Variants in UGGT2 observed in about 807,000 individuals in gnomAD.
The protein encoded by UGGT2 is UDP-glucose:glycoprotein glucosyltransferase 2.
In UGGT2, 180 loss-of-function variants were observed where a neutral mutation model predicts 192.1. That is an observed-to-expected ratio of 0.94 (90% CI 0.83 to 1.06). UGGT2 has a LOEUF of 1.06. Among genes scored for constraint, UGGT2 ranks in the 50% least tolerant of loss-of-function variants. The pLI, the probability that UGGT2 is intolerant of heterozygous loss-of-function variation, is 0.00. For missense variants in UGGT2, 1,849 were observed against 1,795.7 expected, an observed-to-expected ratio of 1.03 and a Z score of -0.54; for synonymous variants, 580 against 591.0, an observed-to-expected ratio of 0.98 and a Z score of 0.27.
chr13:95,936,843 C>T (rs778912555), intron 17 of UGGT2, 81 bp downstream of exon 17: 20 of 1,263,312 alleles, frequency 1.6e-5, no homozygotes, highest in Admixed American at 6.3e-5. Context: ...ACCAAATCAA[C>T]TTCTGTCATT....
chr13:96,040,569 AACCTACT>A (rs535635993), intron 1 of UGGT2, among the ~76,000 whole-genome samples: 105 of 152,280 alleles, frequency 6.9e-4, no homozygotes, highest in South Asian at 1.0e-3. Flanking sequence ...GCCAGCATTC[AACCTACT>A]ACAGATGCCC....
intron 4 of UGGT2, among the ~76,000 whole-genome samples, chr13:96,017,244 T>G (rs898458033): frequency 2.0e-5 from 3 of 152,172 alleles, no homozygotes; most frequent in Non-Finnish European, 4.4e-5. Context: ...AAGAAATGAC[T>G]GTAATTTGCA....
chr13:95,867,261 A>T, intron 30 of UGGT2, 78 bp downstream of exon 30: 1 of 1,207,802 alleles, frequency 8.3e-7, no homozygotes, highest in East Asian at 2.6e-5. Context: ...TTGTAAAATA[A>T]ATCAATTAAT....
chr13:96,019,052 C>T (rs994771844), intron 4 of UGGT2, among the ~76,000 whole-genome samples: 4 of 129,962 alleles, frequency 3.1e-5, no homozygotes, highest in African/African-American at 1.2e-4. Flanking sequence ...GATAAGATAT[C>T]ACAAACCCAA....
intron 5 of UGGT2, among the ~76,000 whole-genome samples, chr13:96,006,210 T>C (rs536177598): frequency 3.9e-5 from 6 of 152,196 alleles, no homozygotes; most frequent in African/African-American, 1.4e-4. Flanking sequence ...GAAAGGAAAA[T>C]TCATCACACA....
At chr13:95,929,979 A>G (rs1194636884) in intron 17 of UGGT2, among the ~76,000 whole-genome samples, 1 of 152,130 alleles carries the variant, frequency 6.6e-6, no homozygotes, top group Non-Finnish European at 1.5e-5. Flanking sequence ...GCCATTCTAA[A>G]TGGTACGAGA....
At chr13:95,966,504 T>C (rs2050584050) in intron 12 of UGGT2, among the ~76,000 whole-genome samples, 1 of 152,166 alleles carries the variant, frequency 6.6e-6, no homozygotes, top group South Asian at 2.1e-4. Context: ...GTAGGGTGAC[T>C]ATAGTTAGCA....
chr13:95,917,021 A>C (rs536795012), intron 20 of UGGT2, among the ~76,000 whole-genome samples: 2 of 152,158 alleles, frequency 1.3e-5, no homozygotes, highest in East Asian at 3.9e-4. Flanking sequence ...GGAAAAGACA[A>C]CATTTAAATT....
chr13:95,908,737 A>C (rs1415813068), intron 20 of UGGT2, among the ~76,000 whole-genome samples: 3 of 140,396 alleles, frequency 2.1e-5, no homozygotes, highest in Admixed American at 7.3e-5. Flanking sequence ...TGGCTGCATA[A>C]ATGTCTTCTT....
At chr13:95,842,378 A>T (rs1266978666) in intron 36 of UGGT2, among the ~76,000 whole-genome samples, 1 of 152,352 alleles carries the variant, frequency 6.6e-6, no homozygotes, top group East Asian at 1.9e-4. Flanking sequence ...TTATTTTTAG[A>T]GTCATCCATG....
chr13:95,972,685 A>G lies in UGGT2; in HGVS notation c.1093-14T>C. Reference sequence around the variant, plus strand: ...AACTTGAAGATCCTTGAAGTAGAGCAAAGCAATAGTTAACCAGTGATAGAA... The same window carrying G: ...AACTTGAAGATCCTTGAAGTAGAGCGAAGCAATAGTTAACCAGTGATAGAA... On this transcript the variant is annotated splice_polypyrimidine_tract_variant and intron_variant, in intron 10 of 38. Coordinates refer to ENST00000376747, the MANE Select transcript of UGGT2 (RefSeq NM_020121.4). 1 of 1,594,348 alleles carries G rather than the reference A, an allele frequency of 6.3e-7. No homozygotes were observed. The highest frequency in any genetic ancestry group is 8.6e-7 in the Non-Finnish European group (1 of 1,162,830).
Position 95,900,798 on chromosome 13 carries a change from T to C in UGGT2, c.2634+9A>G, listed in dbSNP as rs752625708. 3 of 1,603,136 alleles carry C rather than the reference T, an allele frequency of 1.9e-6. No individual in the cohort carries two copies. The highest frequency in any genetic ancestry group is 8.5e-7 in the Non-Finnish European group (1 of 1,175,878). On this transcript the variant is annotated intron_variant, in intron 22 of 38. Coordinates refer to ENST00000376747, the MANE Select transcript of UGGT2 (RefSeq NM_020121.4). ...CTGAGAAAAGAGAGCAATAGCTTTT[T>C]CTACTTACTCTCCCATTGCTGACAA...
At position 96,013,378 on chromosome 13, in the gene UGGT2, C is replaced by T. The variant is rs755759914; in HGVS notation, c.589G>A (p.Ala197Thr). The T allele has an allele frequency of 8.7e-6, 14 of 1,607,242 alleles. No homozygotes were observed. Among genetic ancestry groups the T allele is most frequent in the Non-Finnish European group, 1.2e-5 (14 of 1,178,446 alleles). Residue 197 changes from alanine (A) to threonine (T), a missense_variant, in exon 5 of 39, where the codon GCA becomes ACA. Physicochemically the swap from Ala to Thr is moderately conservative, Grantham distance 58. Coordinates refer to ENST00000376747, the MANE Select transcript of UGGT2 (RefSeq NM_020121.4). ...TTTTCAGACAATACTTTGTGAAATG[C>T]ACTAAATGTTCTAGTACCCATTTCG... ...YAEMGTRTFS[A>T]FHKVLSEKAQ...
chr13:95,986,737 CAT>C (rs2051303085), intron 8 of UGGT2, among the ~76,000 whole-genome samples: 3 of 152,016 alleles, frequency 2.0e-5, no homozygotes, highest in Middle Eastern at 3.4e-3. Flanking sequence ...TTAAATGAAA[CAT>C]ATGACAAAAA....
At chr13:96,005,840 C>T (rs1470976165) in intron 5 of UGGT2, among the ~76,000 whole-genome samples, 2 of 152,158 alleles carry the variant, frequency 1.3e-5, no homozygotes, top group Non-Finnish European at 2.9e-5. Flanking sequence ...AACACATTGT[C>T]TTTGGGGAGC....
intron 37 of UGGT2, among the ~76,000 whole-genome samples, chr13:95,836,788 T>C (rs1321507351): frequency 6.6e-6 from 1 of 152,130 alleles, no homozygotes; most frequent in South Asian, 2.1e-4. Flanking sequence ...CTTTGCCCCA[T>C]GTGCCTTTTC....
intron 5 of UGGT2, among the ~76,000 whole-genome samples, chr13:96,000,713 C>T (rs2140929859): frequency 6.6e-6 from 1 of 152,202 alleles, no homozygotes; most frequent in Admixed American, 6.5e-5. Context: ...ATTATCAGTT[C>T]TGGAAAGTTA....
rs1159134643 is a variant in UGGT2 at position 95,927,115 on chromosome 13, C to T, written c.2113G>A (p.Val705Ile). 1.2e-6 allele frequency: 2 copies of T among 1,608,538 alleles called. No individual in the cohort carries two copies. The highest frequency in any genetic ancestry group is 1.3e-5 in the African/African-American group (1 of 74,494). Reference protein sequence around the residue: ...NLISTSVTADVEDFSTFFFLD... With the variant: ...NLISTSVTADIEDFSTFFFLD... ...AAAAAGAAAGTAGAGAAATCTTCAA[C>T]ATCAGCAGTTACTGAAAAATTTCAA... Residue 705 changes from valine to isoleucine, a missense_variant, in exon 19 of 39, where the codon GTT (valine) becomes ATT (isoleucine). Transcript: ENST00000376747.
At chr13:96,017,303 T>A (rs1301924773) in intron 4 of UGGT2, among the ~76,000 whole-genome samples, 2 of 152,126 alleles carry the variant, frequency 1.3e-5, no homozygotes, top group Non-Finnish European at 2.9e-5. Context: ...AATGACATAG[T>A]TTGGGTATTT....
Sources: allele counts gnomAD v4.1 joint callset (sites outside exome capture counted in the v4.1 genomes callset), GRCh38; gene constraint gnomAD v4.1.1; transcripts MANE v1.5; gene names NCBI Gene and HGNC (gene_info 2026-07-23, HGNC 2026-07-21).